The following RYR2 variants were observed in gnomAD, a reference collection of about 807,000 sequenced individuals.
The protein encoded by RYR2 is ryanodine receptor 2.
A neutral mutation model predicts 601.1 loss-of-function variants in RYR2; 227 were observed. The ratio of observed to expected loss-of-function variants is 0.38; its 90% CI spans 0.34 to 0.42. The LOEUF is 0.42. Among genes scored for constraint, RYR2 ranks in the 10% least tolerant of loss-of-function variants. The probability of loss-of-function intolerance (pLI) is 1.00; values close to 1 mark genes in which losing one functional copy is unlikely to be tolerated. For missense variants in RYR2, 4,646 were observed against 6,156.5 expected, an observed-to-expected ratio of 0.75 and a Z score of 8.21; for synonymous variants, 2,223 against 2,175.1, an observed-to-expected ratio of 1.02 and a Z score of -0.61.
intron 88 of RYR2, 93 bp from the exon 89 acceptor site, chr1:237,781,472 T>G: frequency 1.5e-6 from 1 of 665,472 alleles, no homozygotes. Context: ...TACTATTTAT[T>G]GCCAGAGCAG....
Position 237,134,689 on chromosome 1 carries a change from G to T in RYR2, c.48+92120G>T, listed in dbSNP as rs117001082. ...TCTCTTTAATGATAATCTATGTAAAGATGATCAGGGTGAAATAGAATTTAA... is the reference window on the plus strand; with the variant it reads ...TCTCTTTAATGATAATCTATGTAAATATGATCAGGGTGAAATAGAATTTAA... On this transcript the variant is annotated intron_variant, in intron 1 of 104. Coordinates refer to ENST00000366574, the MANE Select transcript of RYR2 (RefSeq NM_001035.3). Among the ~76,000 whole-genome samples, 13 of 152,314 alleles carry T rather than the reference G, an allele frequency of 8.5e-5. No homozygotes were observed. The East Asian group carries it at 2.5e-3, about 29-fold the overall frequency.
chr1:237,748,766 CCCTCTTTAT>C (rs1692293490), intron 80 of RYR2, among the ~76,000 whole-genome samples: 1 of 152,144 alleles, frequency 6.6e-6, no homozygotes, highest in Admixed American at 6.5e-5. Context: ...ATGCAGCTGG[CCCTCTTTAT>C]CTGTGGCTTC....
chr1:237,488,389 T>A (rs998624574), intron 17 of RYR2, among the ~76,000 whole-genome samples: 1 of 152,096 alleles, frequency 6.6e-6, no homozygotes, highest in Non-Finnish European at 1.5e-5. Context: ...TCAAAGAAAG[T>A]TCGTCCTCAC....
At chr1:237,298,496 A>T (rs1478168896) in intron 2 of RYR2, among the ~76,000 whole-genome samples, 1 of 152,104 alleles carries the variant, frequency 6.6e-6, no homozygotes, top group Non-Finnish European at 1.5e-5. Context: ...CACAGTTTTT[A>T]TTGTTTTCAA....
intron 84 of RYR2, among the ~76,000 whole-genome samples, chr1:237,770,382 A>C (rs1694174803): frequency 6.6e-6 from 1 of 152,200 alleles, no homozygotes; most frequent in South Asian, 2.1e-4. Context: ...TTTTGGATAC[A>C]CAGAATGCTT....
rs775018315 is a variant in RYR2, at chr1:237,565,179, CTTTCTTTCTT to C, written c.3215-1386_3215-1377del. ...TTTCTCTTTCTTTCTTTCTTTCTTT[CTTTCTTTCTT>C]TCTTTCTTTCTTTCTTTCTTTCTTT... is the stretch of plus-strand genomic sequence containing the variant. On this transcript the variant is annotated intron_variant, in intron 27 of 104. Transcript: ENST00000366574. Among the ~76,000 whole-genome samples, 484 of 120,300 alleles carry C rather than the reference CTTTCTTTCTT, an allele frequency of 4.0e-3. 7 individuals are homozygous for C. Among genetic ancestry groups the C allele is most frequent in the Middle Eastern group, 8.6e-3 (2 of 232 alleles). 78.9% of individuals were successfully genotyped at this position (120,300 alleles called of 152,430 possible).
intron 1 of RYR2, among the ~76,000 whole-genome samples, chr1:237,084,802 C>A (rs9428374): frequency 0.77 from 117,226 of 152,184 alleles, 47,806 homozygotes; most frequent in Non-Finnish European, 0.91. Context: ...GGGTCCCGAC[C>A]TAATGTGGAG....
chr1:237,798,801 C>CACACACACACACACACACACACACAT (rs3835529), intron 97 of RYR2, among the ~76,000 whole-genome samples: 12 of 148,396 alleles, frequency 8.1e-5, no homozygotes, highest in African/African-American at 2.8e-4. Context: ...CACACACACA[C>CACACACACACACACACACACACACAT]ATATAGTGTG....
At chr1:237,093,823 G>A (rs1477994422) in intron 1 of RYR2, among the ~76,000 whole-genome samples, 6 of 152,176 alleles carry the variant, frequency 3.9e-5, no homozygotes, top group African/African-American at 7.2e-5. Flanking sequence ...ATCTGTGTGC[G>A]GCCTGTGTTT....
chr1:237,496,506 T>TA lies in RYR2; in HGVS notation c.1962-2dup, dbSNP rs779107932. ...TCCTTACATGTGATTCCCGTCTCTT[T>TA]AAAGCATGAGACCCAATATTTTTCT... On this transcript the variant is annotated splice_polypyrimidine_tract_variant and splice_region_variant and intron_variant, in intron 19 of 104. Coordinates refer to ENST00000366574, the MANE Select transcript of RYR2 (RefSeq NM_001035.3). 1 of 1,613,022 alleles carries TA rather than the reference T, an allele frequency of 6.2e-7. No individual in the cohort carries two copies.
intron 56 of RYR2, among the ~76,000 whole-genome samples, chr1:237,666,166 C>T (rs1462675614): frequency 2.6e-5 from 4 of 152,030 alleles, no homozygotes; most frequent in South Asian, 2.1e-4. Context: ...CTCTTGCTTG[C>T]GTGAGGAAGA....
At chr1:237,186,744 T>C (rs1199601686) in intron 1 of RYR2, among the ~76,000 whole-genome samples, 1 of 152,212 alleles carries the variant, frequency 6.6e-6, no homozygotes, top group East Asian at 1.9e-4. Flanking sequence ...GATTGACTGT[T>C]GAAAACAGAG....
intron 1 of RYR2, among the ~76,000 whole-genome samples, chr1:237,042,833 G>A (rs1359788490): frequency 6.6e-6 from 1 of 152,092 alleles, no homozygotes. Flanking sequence ...GCCCGGGCTC[G>A]GACCCGGGGC....
intron 1 of RYR2, among the ~76,000 whole-genome samples, chr1:237,255,439 T>C (rs867762460): frequency 4.6e-5 from 7 of 152,320 alleles, no homozygotes; most frequent in Admixed American, 1.3e-4. Context: ...TCTTCACTTC[T>C]TTTTATCTTT....
rs369146343 is a variant in RYR2 at position 237,795,264 on chromosome 1, A to C, written c.13914-25A>C. 1.3e-3 allele frequency: 1,535 copies of C among 1,150,318 alleles called. 8 individuals carry two copies. The highest frequency in any genetic ancestry group is 1.6e-3 in the Non-Finnish European group (1,320 of 811,646). 71.3% of individuals were successfully genotyped at this position (1,150,318 alleles called of 1,614,324 possible). On this transcript the variant is annotated intron_variant, in intron 95 of 104. Coordinates refer to ENST00000366574, the MANE Select transcript of RYR2 (RefSeq NM_001035.3). Reference sequence around the variant, plus strand: ...TTTGTCATTAAAAATAATACTATTTACTTCTATGCTTTTGTATATTTTAGG... The same window carrying C: ...TTTGTCATTAAAAATAATACTATTTCCTTCTATGCTTTTGTATATTTTAGG...
At chr1:237,549,230 G>A (rs1269739280) in intron 26 of RYR2, among the ~76,000 whole-genome samples, 1 of 152,112 alleles carries the variant, frequency 6.6e-6, no homozygotes, top group East Asian at 1.9e-4. Context: ...TCAGGATTAG[G>A]TATTCAGTAC....
chr1:237,737,990 G>C (rs1691294885), intron 79 of RYR2, among the ~76,000 whole-genome samples: 1 of 152,160 alleles, frequency 6.6e-6, no homozygotes, highest in Non-Finnish European at 1.5e-5. Flanking sequence ...CTAGCGGGTA[G>C]TTTTTGGAAG....
In RYR2 at chr1:237,773,478, G is replaced by A. The variant is rs375407974; in HGVS notation, c.11647-42G>A. ...GACTGGTTAGTCAATGGTAACTTTA[G>A]AATGTGACTTGATAATAAATAATAT... On this transcript the variant is annotated intron_variant, in intron 86 of 104. Coordinates refer to ENST00000366574, the MANE Select transcript of RYR2 (RefSeq NM_001035.3). 45 of 1,470,492 alleles carry A rather than the reference G, an allele frequency of 3.1e-5. No homozygotes were observed. In the African/African-American group the frequency reaches 5.1e-4, roughly 17 times the overall value. The allele number at this position is 1,470,492 out of a possible 1,614,324, so 91.1% of individuals were successfully genotyped here. A position where few individuals can be genotyped will look rare whatever the true frequency, so the allele number is the denominator to read the frequency against.
At chr1:237,649,800 A>G in intron 49 of RYR2, 77 bp from the exon 50 acceptor site, 1 of 1,187,522 alleles carries the variant, frequency 8.4e-7, no homozygotes, top group Non-Finnish European at 1.2e-6. Flanking sequence ...GTGAAATTGT[A>G]TGTCCCCATG....
Sources: gnomAD v4.1 joint callset for allele counts (sites outside exome capture counted in the v4.1 genomes callset) on GRCh38, gnomAD v4.1.1 for gene constraint, MANE v1.5 for transcripts, NCBI Gene and HGNC (gene_info 2026-07-23, HGNC 2026-07-21) for gene names.